UGT1A1: variants seen among roughly 807,000 people sequenced by gnomAD.
The protein encoded by UGT1A1 is UDP glucuronosyltransferase family 1 member A1, also known as UDP-glucuronosyltransferase 1A1.
Under a neutral mutation model 40.6 loss-of-function variants are expected in UGT1A1, and 33 were observed. The observed-to-expected ratio is 0.81, with a 90% CI of 0.62 to 1.09. The LOEUF (loss-of-function observed/expected upper bound fraction) is 1.09, where lower values mean the gene tolerates loss of function less well. Among genes scored for constraint, UGT1A1 ranks in the 50% least tolerant of loss-of-function variants. UGT1A1 has a pLI of 0.00. For synonymous variants in UGT1A1, 249 were observed against 265.0 expected (o/e 0.94, Z 0.59); for missense variants, 694 against 671.2 (o/e 1.03, Z -0.38).
At position 233,760,785 on chromosome 2, in the gene UGT1A1, G is replaced by A; in HGVS notation, c.498G>A (p.Leu166=). 1 of 1,613,686 alleles carries A rather than the reference G, an allele frequency of 6.2e-7. No individual in the cohort carries two copies. ...CSPIVAQYLS[L]PTVFFLHALP... ...CCATCGTGGCCCAGTACCTGTCTCT[G>A]CCCACTGTATTCTTCTTGCATGCAC... The change falls in exon 1 of 5, where the codon CTG becomes CTA. Residue 166 remains leucine, a synonymous_variant. Coordinates refer to ENST00000305208, the MANE Select transcript of UGT1A1 (RefSeq NM_000463.3).
chr2:233,767,705 C>T, intron 2 of UGT1A1, 144 bp from the exon 3 acceptor site: 1 of 1,520,160 alleles, frequency 6.6e-7, no homozygotes, highest in Non-Finnish European at 8.8e-7. Context: ...TGCCAGTCCT[C>T]AGAAGCCTTC....
Position 233,769,482 on chromosome 2 carries a change from T to A in UGT1A1, c.1304+1043T>A. On this transcript the variant is annotated intron_variant, in intron 4 of 4. Coordinates refer to ENST00000305208, the MANE Select transcript of UGT1A1 (RefSeq NM_000463.3). The surrounding 1 kb of genome is among the most constrained non-coding windows in gnomAD (Gnocchi z 4.4). Reference sequence around the variant, plus strand: ...TCATATGCGTGTGTGTGTGTGTGCGTGTGTTTATGAGAGTGTCCATTGCTT... The same window carrying A: ...TCATATGCGTGTGTGTGTGTGTGCGAGTGTTTATGAGAGTGTCCATTGCTT... The A allele has an allele frequency of 6.2e-7, 1 of 1,611,750 alleles. No homozygotes were observed.
chr2:233,761,124 C>G lies in UGT1A1; in HGVS notation c.837C>G (p.Asn279Lys), dbSNP rs1406825274. 6.2e-7 allele frequency: 1 copy of G among 1,614,202 alleles called. No homozygotes were observed. The change falls in exon 1 of 5, where the codon AAC becomes AAG. Residue 279 changes from asparagine (N) to lysine (K), a missense_variant. Asn to Lys is a moderately conservative substitution (Grantham distance 94, BLOSUM62 0). Coordinates refer to ENST00000305208, the MANE Select transcript of UGT1A1 (RefSeq NM_000463.3). ...MPNMVFVGGI[N>K]CLHQNPLSQE... is the part of the protein sequence containing the mutation. ...ATATGGTTTTTGTTGGTGGAATCAA[C>G]TGCCTTCACCAAAATCCACTATCCC...
At position 233,766,963 on chromosome 2, in the gene UGT1A1, C is replaced by T. The variant is rs1348072770; in HGVS notation, c.865-71C>T. On this transcript the variant is annotated intron_variant, in intron 1 of 4. Transcript: ENST00000305208. ...AGTCTTAAGAGGAAGATATCTAATT[C>T]ATAACTTACTGTATGTAGTCATCAA... is the stretch of plus-strand genomic sequence containing the variant. 3.4e-5 allele frequency: 54 copies of T among 1,607,648 alleles called. No individual in the cohort carries two copies. In the South Asian group the frequency reaches 3.5e-4, roughly 10 times the overall value.
intron 1 of UGT1A1, among the ~76,000 whole-genome samples, chr2:233,764,386 G>A (rs141556907): frequency 3.9e-5 from 6 of 152,290 alleles, no homozygotes; most frequent in Non-Finnish European, 7.4e-5. Context: ...GGAGTTGGCC[G>A]TGATGACAAC....
At chr2:233,770,790 G>GAT (rs1474818165) in intron 4 of UGT1A1, 3 of 152,110 alleles carry the variant, frequency 2.0e-5, no homozygotes, top group African/African-American at 7.2e-5. Context: ...TAACATTATA[G>GAT]ATATGTTTAA....
At chr2:233,764,663 C>T (rs4148325) in intron 1 of UGT1A1, among the ~76,000 whole-genome samples, 54,844 of 151,792 alleles carry the variant, frequency 0.36, 10,318 homozygotes, top group African/African-American at 0.45. Flanking sequence ...CATTTACCAA[C>T]GCTCAGAAGA....
At chr2:233,763,919 C>T (rs748972276) in intron 1 of UGT1A1, among the ~76,000 whole-genome samples, 11 of 152,168 alleles carry the variant, frequency 7.2e-5, no homozygotes, top group African/African-American at 2.4e-4. Context: ...ACCAAGGCTT[C>T]GAGATGGCCA....
intron 1 of UGT1A1, among the ~76,000 whole-genome samples, chr2:233,761,379 G>A (rs1697758727): frequency 6.6e-6 from 1 of 152,206 alleles, no homozygotes; most frequent in African/African-American, 2.4e-5. Context: ...ATTTTACTCT[G>A]TGTGCTCCAG....
At chr2:233,762,499 T>G (rs1698093030) in intron 1 of UGT1A1, among the ~76,000 whole-genome samples, 1 of 152,234 alleles carries the variant, frequency 6.6e-6, no homozygotes, top group African/African-American at 2.4e-5. Context: ...GCTATTACTT[T>G]TTAAACTATG....
Position 233,772,387 on chromosome 2 carries a change from C to A in UGT1A1, c.1430C>A (p.Ala477Glu). 1.2e-6 allele frequency: 2 copies of A among 1,614,274 alleles called. No individual in the cohort carries two copies. Among genetic ancestry groups the A allele is most frequent in the Non-Finnish European group, 1.7e-6 (2 of 1,180,048 alleles). ...AAGGGCGCGCCACACCTGCGCCCCG[C>A]AGCCCACGACCTCACCTGGTACCAG... ...RHKGAPHLRP[A>E]AHDLTWYQYH... is the part of the protein sequence containing the mutation. Residue 477 changes from alanine to glutamate, a missense_variant, in exon 5 of 5, where the codon GCA (alanine) becomes GAA (glutamate). Transcript: ENST00000305208.
At chr2:233,764,686 A>G (rs1297996810) in intron 1 of UGT1A1, among the ~76,000 whole-genome samples, 1 of 152,166 alleles carries the variant, frequency 6.6e-6, no homozygotes, top group African/African-American at 2.4e-5. Context: ...GAACTTGAAG[A>G]GCACTTGGAA....
rs1699951118 is a variant in UGT1A1, at chr2:233,769,835, G to A, written c.1304+1396G>A. The A allele has an allele frequency of 3.1e-6, 2 of 640,066 alleles. No individual in the cohort carries two copies. The highest frequency in any genetic ancestry group is 2.3e-6 in the Non-Finnish European group (1 of 426,370). The allele number at this position is 640,066 out of a possible 1,614,324, so 39.6% of individuals were successfully genotyped here. A position where few individuals can be genotyped will look rare whatever the true frequency, so the allele number is the denominator to read the frequency against. On this transcript the variant is annotated intron_variant, in intron 4 of 4. Coordinates refer to ENST00000305208, the MANE Select transcript of UGT1A1 (RefSeq NM_000463.3). The surrounding 1 kb of genome is among the most constrained non-coding windows in gnomAD (Gnocchi z 4.4). ...ATGCCACTGCACTCCAGCAACCTGG[G>A]CAACAGAGTGAGACCCTGTCTCAAA...
chr2:233,768,836 G>A (rs543894216), intron 4 of UGT1A1, among the ~76,000 whole-genome samples: 3 of 151,834 alleles, frequency 2.0e-5, no homozygotes, highest in African/African-American at 7.3e-5. Flanking sequence ...CACCTGCCTC[G>A]GCCTGCCAAA....
rs1402527560 is a variant in UGT1A1, at chr2:233,772,791, CAT to C, written c.*233_*234del. On this transcript the variant is annotated 3_prime_UTR_variant, in exon 5 of 5. Transcript: ENST00000305208. Reference sequence around the variant, plus strand: ...CCTCTGGTGTCTTTGATCAGGATGACATGTGCCATTTTTCAGAGGACGTGCAG... The same window carrying C: ...CCTCTGGTGTCTTTGATCAGGATGACGTGCCATTTTTCAGAGGACGTGCAG... The C allele has an allele frequency of 3.3e-6, 4 of 1,224,574 alleles. No homozygotes were observed. The highest frequency in any genetic ancestry group is 1.7e-5 in the South Asian group (1 of 59,936). The allele number at this position is 1,224,574 out of a possible 1,614,324, so 75.9% of individuals were successfully genotyped here. A position where few individuals can be genotyped will look rare whatever the true frequency, so the allele number is the denominator to read the frequency against.
In UGT1A1 at chr2:233,768,278, C is replaced by T. The variant is rs72551354; in HGVS notation, c.1143C>T (p.Ser381=). The change falls in exon 4 of 5, where the codon AGC becomes AGT. Residue 381 remains serine, a synonymous_variant. Coordinates refer to ENST00000305208, the MANE Select transcript of UGT1A1 (RefSeq NM_000463.3). ...THAGSHGVYE[S]ICNGVPMVMM... is the part of the protein sequence containing the mutation. ...CTGGTTCCCATGGTGTTTATGAAAG[C>T]ATATGCAATGGCGTTCCCATGGTGA... 6.2e-7 allele frequency: 1 copy of T among 1,614,064 alleles called. No individual in the cohort carries two copies. The highest frequency in any genetic ancestry group is 1.3e-5 in the African/African-American group (1 of 74,924).
chr2:233,767,252 T>C (rs959458816), intron 2 of UGT1A1, 87 bp downstream of exon 2: 5 of 1,599,856 alleles, frequency 3.1e-6, no homozygotes, highest in East Asian at 2.2e-5. Context: ...ATTCTCTTAA[T>C]TGGAACCTTA....
rs1559415894 is a variant in UGT1A1, at chr2:233,768,434, C to CA, written c.1303dup (p.Ser435LysfsTer74). 6.2e-7 allele frequency: 1 copy of CA among 1,613,634 alleles called. No individual in the cohort carries two copies. The highest frequency in any genetic ancestry group is 1.1e-5 in the South Asian group (1 of 90,992). Reference sequence around the variant, plus strand: ...ATGCTCTAAAAGCAGTCATCAATGACAAAAGGTAAGAAAGAAGATACAGAA... The same window carrying CA: ...ATGCTCTAAAAGCAGTCATCAATGACAAAAAGGTAAGAAAGAAGATACAGAA... On this transcript the variant is annotated frameshift_variant, in exon 4 of 5. Transcript: ENST00000305208. LOFTEE classifies it high-confidence loss of function.
At position 233,760,621 on chromosome 2, in the gene UGT1A1, A is replaced by G; in HGVS notation, c.334A>G (p.Thr112Ala). The change falls in exon 1 of 5, where the codon ACA becomes GCA. Residue 112 changes from threonine (T) to alanine (A), a missense_variant. Coordinates refer to ENST00000305208, the MANE Select transcript of UGT1A1 (RefSeq NM_000463.3). ...TTCTTTCCTGCAGCGTGTGATCAAA[A>G]CATACAAGAAAATAAAAAAGGACTC... ...NDSFLQRVIK[T>A]YKKIKKDSAM... The G allele has an allele frequency of 1.9e-6, 3 of 1,614,194 alleles. No individual in the cohort carries two copies. The highest frequency in any genetic ancestry group is 2.5e-6 in the Non-Finnish European group (3 of 1,180,028).
Sources: allele counts gnomAD v4.1 joint callset (sites outside exome capture counted in the v4.1 genomes callset), GRCh38; gene constraint gnomAD v4.1.1; non-coding constraint Gnocchi (gnomAD v3.1); transcripts MANE v1.5; gene names NCBI Gene and HGNC (gene_info 2026-07-23, HGNC 2026-07-21).